Variants in PAPSS1 observed in about 807,000 individuals in gnomAD.
The protein encoded by PAPSS1 is bifunctional 3'-phosphoadenosine 5'-phosphosulfate synthase 1.
In PAPSS1, 50 loss-of-function variants were observed where a neutral mutation model predicts 72.0. That is an observed-to-expected ratio of 0.69 (90% CI 0.55 to 0.88). The LOEUF (loss-of-function observed/expected upper bound fraction) is 0.88, where lower values mean the gene tolerates loss of function less well. Among genes scored for constraint, PAPSS1 ranks in the 40% least tolerant of loss-of-function variants. The probability of loss-of-function intolerance (pLI) is 0.00; values close to 1 mark genes in which losing one functional copy is unlikely to be tolerated. For synonymous variants in PAPSS1, 261 were observed against 263.6 expected, an observed-to-expected ratio of 0.99 and a Z score of 0.09; for missense variants, 657 against 782.2, an observed-to-expected ratio of 0.84 and a Z score of 1.91.
chr4:107,683,697 T>C (rs530548772), intron 4 of PAPSS1, among the ~76,000 whole-genome samples: 1 of 152,148 alleles, frequency 6.6e-6, no homozygotes, highest in Admixed American at 6.5e-5. Flanking sequence ...GCAGTCATCA[T>C]GAAAATAATT....
intron 2 of PAPSS1, among the ~76,000 whole-genome samples, chr4:107,696,094 G>A (rs2125934572): frequency 6.6e-6 from 1 of 152,310 alleles, no homozygotes; most frequent in African/African-American, 2.4e-5. Flanking sequence ...AGGCTATGGA[G>A]AAATAGGAAC....
At chr4:107,615,116 A>G (rs1393854443) in intron 11 of PAPSS1, among the ~76,000 whole-genome samples, 1 of 152,136 alleles carries the variant, frequency 6.6e-6, no homozygotes, top group Non-Finnish European at 1.5e-5. Context: ...GCAAGTAGCA[A>G]TAATCAATAC....
rs775774410 is a variant in PAPSS1 at position 107,631,745 on chromosome 4, T to C, written c.1622A>G (p.His541Arg). The change falls in exon 11 of 12, where the codon CAT becomes CGT. Residue 541 changes from histidine (H) to arginine (R), a missense_variant. His to Arg is a conservative substitution (Grantham distance 29, BLOSUM62 0). This residue lies in a region of PAPSS1 where 166 missense variants were observed against 228.3 expected (regional missense o/e 0.73). Coordinates refer to ENST00000265174, the MANE Select transcript of PAPSS1 (RefSeq NM_005443.5). ...ETGKDLYEPS[H>R]GAKVLTMAPG... Reference sequence around the variant, plus strand: ...GGCCATCGTCAGCACTTTGGCACCATGACTTGGCTCATAAAGATCCTTCCC... The same window carrying C: ...GGCCATCGTCAGCACTTTGGCACCACGACTTGGCTCATAAAGATCCTTCCC... The C allele has an allele frequency of 8.7e-6, 14 of 1,613,984 alleles. No individual in the cohort carries two copies. The highest frequency in any genetic ancestry group is 1.2e-5 in the Non-Finnish European group (14 of 1,179,974).
intron 1 of PAPSS1, chr4:107,719,893 C>T: frequency 7.4e-7 from 1 of 1,355,076 alleles, no homozygotes; most frequent in Non-Finnish European, 9.4e-7. Context: ...AACGGTGGCT[C>T]GGACCGCACG....
intron 10 of PAPSS1, among the ~76,000 whole-genome samples, chr4:107,643,885 T>A (rs1726625614): frequency 6.6e-6 from 1 of 152,266 alleles, no homozygotes; most frequent in Non-Finnish European, 1.5e-5. Flanking sequence ...TATATTTCAA[T>A]GTGAAGTTAA....
chr4:107,670,896 A>C (rs542819983), intron 5 of PAPSS1, among the ~76,000 whole-genome samples: 1 of 152,344 alleles, frequency 6.6e-6, no homozygotes, highest in South Asian at 2.1e-4. Flanking sequence ...TAAGTGTTTT[A>C]GAGCGAAAAA....
chr4:107,660,466 T>G (rs1435153210), intron 5 of PAPSS1, among the ~76,000 whole-genome samples: 1 of 152,146 alleles, frequency 6.6e-6, no homozygotes, highest in Non-Finnish European at 1.5e-5. Flanking sequence ...CTTTTATATA[T>G]ACCTTTATCA....
intron 10 of PAPSS1, among the ~76,000 whole-genome samples, chr4:107,642,508 A>G (rs900135702): frequency 6.6e-6 from 1 of 152,172 alleles, no homozygotes; most frequent in African/African-American, 2.4e-5. Context: ...ACTTACAACA[A>G]ATAACTTATA....
In PAPSS1 at chr4:107,687,019, G is replaced by A. The variant is rs1722804139; in HGVS notation, c.550+20C>T. 2 of 1,589,294 alleles carry A rather than the reference G, an allele frequency of 1.3e-6. No homozygotes were observed. Among genetic ancestry groups the A allele is most frequent in the Non-Finnish European group, 1.7e-6 (2 of 1,171,676 alleles). On this transcript the variant is annotated intron_variant, in intron 4 of 11. Coordinates refer to ENST00000265174, the MANE Select transcript of PAPSS1 (RefSeq NM_005443.5). ...TAAAATATCTAAGCAAAGTGAAACT[G>A]GGAAGAAAATATTACTGACCTTTAA...
chr4:107,660,772 T>C (rs568057962), intron 5 of PAPSS1, among the ~76,000 whole-genome samples: 2 of 152,302 alleles, frequency 1.3e-5, no homozygotes, highest in Admixed American at 6.5e-5. Context: ...AATTACTAAA[T>C]GTGTTTAATC....
chr4:107,666,239 G>A (rs942211889), intron 5 of PAPSS1, among the ~76,000 whole-genome samples: 23 of 152,218 alleles, frequency 1.5e-4, no homozygotes, highest in African/African-American at 5.5e-4. Flanking sequence ...GTTCCTGGTA[G>A]ATTTTAAAAC....
chr4:107,685,943 C>G (rs1722771963), intron 4 of PAPSS1, among the ~76,000 whole-genome samples: 1 of 152,224 alleles, frequency 6.6e-6, no homozygotes, highest in Non-Finnish European at 1.5e-5. Context: ...GCATGACTCA[C>G]TGATCCCTAA....
intron 11 of PAPSS1, among the ~76,000 whole-genome samples, chr4:107,619,569 A>C (rs937423844): frequency 6.6e-6 from 1 of 150,920 alleles, no homozygotes; most frequent in African/African-American, 2.5e-5. Context: ...GAAATAACTA[A>C]ATTTAAAAAA....
chr4:107,635,542 T>G (rs1056057802), intron 10 of PAPSS1, among the ~76,000 whole-genome samples: 2 of 152,124 alleles, frequency 1.3e-5, no homozygotes, highest in African/African-American at 4.8e-5. Context: ...AGGAAATAGG[T>G]GGAGCAAATA....
intron 1 of PAPSS1, among the ~76,000 whole-genome samples, chr4:107,701,758 A>G (rs1369353936): frequency 6.6e-6 from 1 of 152,192 alleles, no homozygotes; most frequent in Non-Finnish European, 1.5e-5. Context: ...ACAACATCAG[A>G]GAGTGATAAG....
intron 1 of PAPSS1, among the ~76,000 whole-genome samples, chr4:107,711,087 A>G (rs890494758): frequency 3.3e-5 from 5 of 152,262 alleles, no homozygotes; most frequent in African/African-American, 9.6e-5. Context: ...CTTTGTTACT[A>G]GTCAGTACTC....
chr4:107,665,310 G>A (rs530709051), intron 5 of PAPSS1, among the ~76,000 whole-genome samples: 2 of 152,274 alleles, frequency 1.3e-5, no homozygotes, highest in Non-Finnish European at 2.9e-5. Context: ...CTAAACATCT[G>A]AAAGGAGCAA....
At chr4:107,658,669 C>T (rs190880645) in intron 6 of PAPSS1, among the ~76,000 whole-genome samples, 60 of 152,176 alleles carry the variant, frequency 3.9e-4, no homozygotes, top group South Asian at 1.9e-3. Flanking sequence ...ATGTGTTCCA[C>T]TGCAAAATCA....
At chr4:107,645,139 T>A (rs997899145) in intron 9 of PAPSS1, 69 bp from the exon 10 acceptor site, 1 of 1,294,498 alleles carries the variant, frequency 7.7e-7, no homozygotes, top group Non-Finnish European at 1.0e-6. Context: ...GGATACGCAA[T>A]TTTTCTTAAA....
Sources: allele counts gnomAD v4.1 joint callset (sites outside exome capture counted in the v4.1 genomes callset), GRCh38; gene constraint gnomAD v4.1.1; regional missense constraint gnomAD v4.1.1; transcripts MANE v1.5; gene names NCBI Gene and HGNC (gene_info 2026-07-23, HGNC 2026-07-21).